MDGA2: variants seen among roughly 807,000 people sequenced by gnomAD.
MDGA2 encodes MAM domain-containing glycosylphosphatidylinositol anchor protein 2.
In MDGA2, 40 loss-of-function variants were observed where a neutral mutation model predicts 117.8. That is an observed-to-expected ratio of 0.34 (90% confidence interval 0.26 to 0.44). The LOEUF (loss-of-function observed/expected upper bound fraction) is 0.44. MDGA2 is among the 20% of genes least tolerant of loss of function. The pLI is 1.00. For missense variants in MDGA2, 1,123 were observed against 1,250.6 expected (o/e 0.90, Z 1.54); for synonymous variants, 452 against 439.0 (o/e 1.03, Z -0.37).
At chr14:47,233,943 C>T (rs1350949985) in intron 2 of MDGA2, among the ~76,000 whole-genome samples, 2 of 152,068 alleles carry the variant, frequency 1.3e-5, no homozygotes, top group African/African-American at 4.8e-5. Flanking sequence ...AAATAGGTGA[C>T]ACAATTGAAA....
At chr14:47,671,254 T>C (rs1311434354) in intron 1 of MDGA2, among the ~76,000 whole-genome samples, 1 of 152,194 alleles carries the variant, frequency 6.6e-6, no homozygotes, top group Non-Finnish European at 1.5e-5. Context: ...AGTAAGTTCC[T>C]AGGTCTATAG....
intron 1 of MDGA2, among the ~76,000 whole-genome samples, chr14:47,452,260 T>C (rs1893257589): frequency 6.6e-6 from 1 of 152,096 alleles, no homozygotes; most frequent in South Asian, 2.1e-4. Flanking sequence ...CACATTTTGC[T>C]GAAGGGATCC....
chr14:47,504,032 G>A (rs1398877028), intron 1 of MDGA2, among the ~76,000 whole-genome samples: 1 of 152,006 alleles, frequency 6.6e-6, no homozygotes, highest in East Asian at 1.9e-4. Context: ...AGAATACACG[G>A]CAACTTTATG....
At chr14:47,399,691 A>C (rs1348182682) in intron 1 of MDGA2, among the ~76,000 whole-genome samples, 3 of 152,214 alleles carry the variant, frequency 2.0e-5, no homozygotes, top group Admixed American at 6.5e-5. Context: ...CTGAATGCTC[A>C]ATAATTGATT....
At chr14:46,873,768 A>C (rs1254335855) in intron 13 of MDGA2, among the ~76,000 whole-genome samples, 177 bp from the exon 14 acceptor site, 1 of 151,966 alleles carries the variant, frequency 6.6e-6, no homozygotes, top group Non-Finnish European at 1.5e-5. Context: ...CACAAAGAAT[A>C]AATGATCTAC....
Position 47,636,734 on chromosome 14 carries a change from G to A in MDGA2, c.280+37783C>T, listed in dbSNP as rs926741760. On this transcript the variant is annotated intron_variant, in intron 1 of 16. Transcript: ENST00000399232. ...CAGGAGACGAAGGTTGCAGTGAGCCGAGATCGTGCCACTGCACTCCAGCCT... is the reference window on the plus strand; with the variant it reads ...CAGGAGACGAAGGTTGCAGTGAGCCAAGATCGTGCCACTGCACTCCAGCCT... Among the ~76,000 whole-genome samples the A allele has an allele frequency of 5.1e-5, 7 of 136,386 alleles. No individual in the cohort carries two copies. In the East Asian group the frequency reaches 1.2e-3, roughly 23 times the overall value. 89.5% of individuals were successfully genotyped at this position (136,386 alleles called of 152,430 possible).
At chr14:46,968,811 T>G (rs1886139780) in intron 8 of MDGA2, among the ~76,000 whole-genome samples, 1 of 143,348 alleles carries the variant, frequency 7.0e-6, no homozygotes, top group African/African-American at 2.6e-5. Context: ...CACTCCAGCC[T>G]AGGAAACAGA....
rs183088171 is a variant in MDGA2 at position 46,888,798 on chromosome 14, G to T, written c.2239-6577C>A. The stretch of plus-strand genomic sequence containing the variant: ...TACCAGGTAAGTAAAAACTAAAATA[G>T]AAGAGGAAATGCAACAACTGAATAC... On this transcript the variant is annotated intron_variant, in intron 10 of 16. Coordinates refer to ENST00000399232, the MANE Select transcript of MDGA2 (RefSeq NM_001113498.3). Among the ~76,000 whole-genome samples the T allele has an allele frequency of 3.6e-4, 55 of 151,332 alleles. 3 individuals are homozygous for T. In the South Asian group the frequency reaches 7.9e-3, roughly 22 times the overall value.
At chr14:47,217,930 G>A (rs1886157212) in intron 3 of MDGA2, 91 bp downstream of exon 3, 3 of 1,060,734 alleles carry the variant, frequency 2.8e-6, no homozygotes, top group Non-Finnish European at 3.9e-6. Flanking sequence ...CAGCTAAACA[G>A]AACGCTATGG....
At chr14:46,948,684 T>C (rs1885261511) in intron 9 of MDGA2, among the ~76,000 whole-genome samples, 1 of 152,018 alleles carries the variant, frequency 6.6e-6, no homozygotes, top group Admixed American at 6.6e-5. Flanking sequence ...ACGTTTCTCC[T>C]AATATTTCAA....
At chr14:47,335,339 G>C (rs1190637965) in intron 1 of MDGA2, among the ~76,000 whole-genome samples, 1 of 145,074 alleles carries the variant, frequency 6.9e-6, no homozygotes, top group East Asian at 2.1e-4. Flanking sequence ...ATTTTAAATA[G>C]ATTGGGTCAG....
intron 2 of MDGA2, among the ~76,000 whole-genome samples, chr14:47,240,056 T>G (rs553451764): frequency 2.0e-5 from 3 of 149,564 alleles, no homozygotes; most frequent in Non-Finnish European, 4.5e-5. Context: ...GTTTTTGCTG[T>G]TTTTTTTTGA....
chr14:46,922,987 A>C (rs1443247034), intron 9 of MDGA2, among the ~76,000 whole-genome samples: 2 of 152,238 alleles, frequency 1.3e-5, no homozygotes, highest in Non-Finnish European at 2.9e-5. Context: ...AACTGGCTGC[A>C]TGCCATGAAT....
intron 1 of MDGA2, among the ~76,000 whole-genome samples, chr14:47,639,742 T>C (rs1312859198): frequency 3.9e-5 from 6 of 152,178 alleles, no homozygotes; most frequent in African/African-American, 1.4e-4. Flanking sequence ...CAGTCTCTCA[T>C]TCAAGGACCT....
In MDGA2 at chr14:46,862,864, C is replaced by T. The variant is rs1472746026; in HGVS notation, c.2753-7710G>A. Among the ~76,000 whole-genome samples the T allele has an allele frequency of 2.0e-5, 3 of 152,078 alleles. No individual in the cohort carries two copies. The East Asian group carries it at 5.8e-4, about 29-fold the overall frequency. On this transcript the variant is annotated intron_variant, in intron 14 of 16. Coordinates refer to ENST00000399232, the MANE Select transcript of MDGA2 (RefSeq NM_001113498.3). ...TTTTCTGCTTGAATAAAAACAGCTG[C>T]CCATGTCCATTGATATTTTTTCAAC...
At chr14:46,948,503 A>G (rs1246233378) in intron 9 of MDGA2, among the ~76,000 whole-genome samples, 1 of 151,880 alleles carries the variant, frequency 6.6e-6, no homozygotes, top group African/African-American at 2.4e-5. Flanking sequence ...GAAATACTCT[A>G]GGTCCAGGCA....
At chr14:47,584,168 C>A (rs532854191) in intron 1 of MDGA2, among the ~76,000 whole-genome samples, 1 of 151,782 alleles carries the variant, frequency 6.6e-6, no homozygotes, top group East Asian at 1.9e-4. Flanking sequence ...GTTAATATTT[C>A]ACTCACCCAT....
At chr14:47,437,364 C>G (rs1166716857) in intron 1 of MDGA2, among the ~76,000 whole-genome samples, 1 of 152,100 alleles carries the variant, frequency 6.6e-6, no homozygotes, top group Non-Finnish European at 1.5e-5. Context: ...ATGGCCTAGT[C>G]AAGGGCATAT....
At chr14:47,486,108 T>C (rs1894054888) in intron 1 of MDGA2, among the ~76,000 whole-genome samples, 1 of 152,066 alleles carries the variant, frequency 6.6e-6, no homozygotes, top group African/African-American at 2.4e-5. Flanking sequence ...CTGCAGACAC[T>C]CAATGGCGGT....
Sources: allele counts gnomAD v4.1 joint callset (sites outside exome capture counted in the v4.1 genomes callset), GRCh38; gene constraint gnomAD v4.1.1; transcripts MANE v1.5; gene names NCBI Gene and HGNC (gene_info 2026-07-23, HGNC 2026-07-21).